The following CSMD2 variants were observed in gnomAD, a reference collection of about 807,000 sequenced individuals.
The protein encoded by CSMD2 is CUB and sushi domain-containing protein 2.
Under a neutral mutation model 398.5 loss-of-function variants are expected in CSMD2, and 130 were observed. The observed-to-expected ratio is 0.33, with a 90% confidence interval of 0.28 to 0.38. The LOEUF is 0.38. Ranked by LOEUF, CSMD2 falls within the 10% of genes least tolerant of loss-of-function variation. The pLI is 1.00. For synonymous variants in CSMD2, 1,828 were observed against 1,908.5 expected (o/e 0.96, Z 1.10); for missense variants, 3,829 against 4,764.9 (o/e 0.80, Z 5.78).
At chr1:34,132,213 A>G (rs1663422645) in intron 1 of CSMD2, among the ~76,000 whole-genome samples, 1 of 152,058 alleles carries the variant, frequency 6.6e-6, no homozygotes, top group African/African-American at 2.4e-5. Flanking sequence ...CTCCATGGAC[A>G]TAAGGGAGAA....
intron 6 of CSMD2, among the ~76,000 whole-genome samples, chr1:33,828,590 T>A (rs1659091280): frequency 6.6e-6 from 1 of 152,174 alleles, no homozygotes; most frequent in Non-Finnish European, 1.5e-5. Context: ...GGGGCAAAGC[T>A]GCTTGGATTT....
At chr1:33,618,542 T>G (rs772121221) in intron 37 of CSMD2, among the ~76,000 whole-genome samples, 17 of 152,104 alleles carry the variant, frequency 1.1e-4, no homozygotes, top group Non-Finnish European at 2.4e-4. Context: ...CAGTCTCCTT[T>G]CTTGACTTTT....
At chr1:33,945,961 T>G (rs768034410) in intron 3 of CSMD2, among the ~76,000 whole-genome samples, 4 of 152,346 alleles carry the variant, frequency 2.6e-5, no homozygotes, top group Non-Finnish European at 5.9e-5. Flanking sequence ...GAGGCTAAAT[T>G]TGATTAATTG....
chr1:34,044,270 G>A (rs549128693), intron 2 of CSMD2, among the ~76,000 whole-genome samples: 19 of 152,252 alleles, frequency 1.2e-4, no homozygotes, highest in African/African-American at 4.3e-4. Flanking sequence ...ATTGGGAAAT[G>A]CTGGGTTAAA....
chr1:34,006,031 G>A (rs1271370227), intron 3 of CSMD2, among the ~76,000 whole-genome samples: 1 of 152,108 alleles, frequency 6.6e-6, no homozygotes, highest in Non-Finnish European at 1.5e-5. Flanking sequence ...CATGGTTTTT[G>A]TCAACCACAA....
chr1:33,644,560 TG>T (rs879305345), intron 29 of CSMD2, among the ~76,000 whole-genome samples: 34 of 152,268 alleles, frequency 2.2e-4, no homozygotes, highest in Admixed American at 2.2e-3. Flanking sequence ...CAGCTTTGTC[TG>T]GGTGTCCTCA....
chr1:33,862,405 G>A (rs535811410), intron 5 of CSMD2: 1 of 148,920 alleles, frequency 6.7e-6, no homozygotes, highest in African/African-American at 2.5e-5. Flanking sequence ...GTCTGAGCCT[G>A]AGCAGAGTCT....
intron 55 of CSMD2, 99 bp downstream of exon 55, chr1:33,557,634 AC>A (rs1658143213): frequency 2.1e-6 from 2 of 975,068 alleles, no homozygotes; most frequent in Non-Finnish European, 1.5e-6. Flanking sequence ...ACACACACAC[AC>A]ACACACACAC....
At chr1:33,722,923 C>A (rs991691942) in intron 19 of CSMD2, among the ~76,000 whole-genome samples, 4 of 150,826 alleles carry the variant, frequency 2.7e-5, no homozygotes, top group African/African-American at 9.7e-5. Context: ...GTTTTTTTTT[C>A]TTTTGTTCCA....
At chr1:33,517,438 G>C (rs1013974665) in intron 70 of CSMD2, among the ~76,000 whole-genome samples, 1 of 152,228 alleles carries the variant, frequency 6.6e-6, no homozygotes, top group African/African-American at 2.4e-5. Flanking sequence ...CTGTGTGGAG[G>C]TCAGCGGCAT....
intron 3 of CSMD2, among the ~76,000 whole-genome samples, chr1:33,968,162 A>C (rs1179042087): frequency 6.6e-6 from 1 of 152,216 alleles, no homozygotes; most frequent in African/African-American, 2.4e-5. Flanking sequence ...CTGTCTAGAA[A>C]TGAATCAAGC....
chr1:33,821,882 G>A (rs755264059), intron 7 of CSMD2, among the ~76,000 whole-genome samples: 3 of 152,118 alleles, frequency 2.0e-5, no homozygotes, highest in African/African-American at 7.2e-5. Flanking sequence ...TAGACACACG[G>A]CAACAGAGAT....
chr1:33,546,069 C>T lies in CSMD2; in HGVS notation c.9068G>A (p.Gly3023Asp), dbSNP rs139241751. Residue 3023 changes from glycine (G) to aspartate (D), a missense_variant, in exon 57 of 71, where the codon GGC (glycine) becomes GAC (aspartate). Coordinates refer to ENST00000373381, the MANE Select transcript of CSMD2 (RefSeq NM_001281956.2). ...GSSERTCQAN[G>D]SWSGSQPECG... ...CTCAGGCTGCGAGCCGCTCCACGAG[C>T]CATTGGCTTGACAGGTGCGCTCTGA... 4.8e-4 allele frequency: 780 copies of T among 1,613,990 alleles called. 14 individuals carry two copies. In the East Asian group the frequency reaches 0.015, roughly 32 times the overall value.
chr1:34,098,006 A>G, intron 1 of CSMD2, among the ~76,000 whole-genome samples: 1 of 111,970 alleles, frequency 8.9e-6, no homozygotes, highest in Non-Finnish European at 1.7e-5. Flanking sequence ...AAGACTTGGA[A>G]CCAACCCAAA....
chr1:33,734,935 A>G (rs1338369218), intron 15 of CSMD2, among the ~76,000 whole-genome samples: 1 of 152,224 alleles, frequency 6.6e-6, no homozygotes, highest in African/African-American at 2.4e-5. Flanking sequence ...TTTTATTATC[A>G]TAACTGATAT....
intron 10 of CSMD2, among the ~76,000 whole-genome samples, chr1:33,799,669 T>C (rs78632534): frequency 6.6e-6 from 1 of 152,278 alleles, no homozygotes; most frequent in Non-Finnish European, 1.5e-5. Context: ...ATCTTTCTCC[T>C]TGCTTTTCCT....
chr1:33,984,086 G>T (rs544209044), intron 3 of CSMD2, among the ~76,000 whole-genome samples: 3 of 152,060 alleles, frequency 2.0e-5, no homozygotes, highest in African/African-American at 7.2e-5. Context: ...CCCTGGAGGC[G>T]GAGCTTGCAG....
chr1:34,064,310 TG>T (rs1368721811), intron 2 of CSMD2, among the ~76,000 whole-genome samples: 4 of 152,228 alleles, frequency 2.6e-5, no homozygotes, highest in African/African-American at 9.6e-5. Flanking sequence ...TTTTATACTC[TG>T]TTTCCCTTTT....
At chr1:33,856,560 T>A (rs1019302973) in intron 5 of CSMD2, among the ~76,000 whole-genome samples, 1 of 152,114 alleles carries the variant, frequency 6.6e-6, no homozygotes, top group Non-Finnish European at 1.5e-5. Context: ...GGGACTGTTG[T>A]AAATGGCTTC....
Sources: gnomAD v4.1 joint callset for allele counts (sites outside exome capture counted in the v4.1 genomes callset) on GRCh38, gnomAD v4.1.1 for gene constraint, MANE v1.5 for transcripts, NCBI Gene and HGNC (gene_info 2026-07-23, HGNC 2026-07-21) for gene names.